The following PPP2R2B variants were observed in gnomAD, a reference collection of about 807,000 sequenced individuals.
The protein encoded by PPP2R2B is serine/threonine-protein phosphatase 2A 55 kDa regulatory subunit B beta isoform.
A neutral mutation model predicts 46.0 loss-of-function variants in PPP2R2B; 5 were observed. The ratio of observed to expected loss-of-function variants is 0.11; its 90% CI spans 0.06 to 0.23. The LOEUF (loss-of-function observed/expected upper bound fraction) is 0.23. Among genes scored for constraint, PPP2R2B ranks in the 10% least tolerant of loss-of-function variants. The pLI, the probability that PPP2R2B is intolerant of heterozygous loss-of-function variation, is 1.00. For synonymous variants in PPP2R2B, 215 were observed against 206.7 expected (o/e 1.04, Z -0.34); for missense variants, 367 against 575.0 (o/e 0.64, Z 3.70).
chr5:146,998,328 C>G (rs1754013358), intron 1 of PPP2R2B, among the ~76,000 whole-genome samples: 1 of 152,208 alleles, frequency 6.6e-6, no homozygotes. Flanking sequence ...GTCTTTGCAG[C>G]TGGGAGACTG....
chr5:146,977,202 T>C (rs1174134769), intron 1 of PPP2R2B, among the ~76,000 whole-genome samples: 6 of 152,222 alleles, frequency 3.9e-5, no homozygotes, highest in African/African-American at 1.4e-4. Flanking sequence ...TATCCTTGGA[T>C]TATTGTAATA....
intron 2 of PPP2R2B, among the ~76,000 whole-genome samples, chr5:146,841,624 TC>T (rs1193960963): frequency 6.6e-6 from 1 of 152,198 alleles, no homozygotes; most frequent in Non-Finnish European, 1.5e-5. Context: ...TGAGTTCATG[TC>T]CTTTGCAGGG....
intron 5 of PPP2R2B, among the ~76,000 whole-genome samples, chr5:146,690,597 T>C (rs1436208142): frequency 2.0e-5 from 3 of 152,234 alleles, no homozygotes; most frequent in African/African-American, 7.2e-5. Context: ...TCCTTGCACT[T>C]CTTCCTCATA....
intron 2 of PPP2R2B, among the ~76,000 whole-genome samples, chr5:146,829,734 G>C (rs772103825): frequency 6.6e-6 from 1 of 152,262 alleles, no homozygotes; most frequent in Admixed American, 6.5e-5. Context: ...ACTATCCAAA[G>C]AATCTAAAGT....
chr5:146,597,402 C>A (rs1482176107), intron 8 of PPP2R2B, among the ~76,000 whole-genome samples: 1 of 152,124 alleles, frequency 6.6e-6, no homozygotes, highest in Non-Finnish European at 1.5e-5. Flanking sequence ...TATGTTGATT[C>A]TATCAATTCT....
At chr5:146,804,478 C>G (rs1438178494) in intron 2 of PPP2R2B, among the ~76,000 whole-genome samples, 1 of 152,122 alleles carries the variant, frequency 6.6e-6, no homozygotes, top group Non-Finnish European at 1.5e-5. Context: ...TAACCCTGCT[C>G]TGATCCATTG....
At chr5:146,984,559 T>C (rs1753334822) in intron 1 of PPP2R2B, among the ~76,000 whole-genome samples, 1 of 152,190 alleles carries the variant, frequency 6.6e-6, no homozygotes, top group Non-Finnish European at 1.5e-5. Flanking sequence ...ACTGCAGACA[T>C]CTCTTTGACA....
In PPP2R2B at chr5:146,764,740, C is replaced by T. The variant is rs540206934; in HGVS notation, c.71-63598G>A. On this transcript the variant is annotated intron_variant, in intron 2 of 9. Coordinates refer to ENST00000394411, the MANE Select transcript of PPP2R2B (RefSeq NM_181675.4). ...TACAGTTAAGATAATTTAAGTCCTT[C>T]TAATCTCAAGAGGTGATCTTGCTAG... 4.6e-5 allele frequency among the ~76,000 whole-genome samples: 7 copies of T among 152,122 alleles called. No individual in the cohort carries two copies. The South Asian group carries it at 1.5e-3, about 32-fold the overall frequency.
chr5:146,890,210 A>G (rs1258590893), intron 1 of PPP2R2B, among the ~76,000 whole-genome samples: 1 of 152,248 alleles, frequency 6.6e-6, no homozygotes, highest in Non-Finnish European at 1.5e-5. Flanking sequence ...AGCCCTGGAC[A>G]AAATTGTAAA....
intron 1 of PPP2R2B, among the ~76,000 whole-genome samples, chr5:146,954,658 A>G (rs1751792195): frequency 6.6e-6 from 1 of 152,148 alleles, no homozygotes; most frequent in South Asian, 2.1e-4. Flanking sequence ...ACCTATGAAA[A>G]TAAAAAATTA....
chr5:146,872,378 T>C (rs1374471427), intron 2 of PPP2R2B, among the ~76,000 whole-genome samples: 1 of 152,212 alleles, frequency 6.6e-6, no homozygotes, highest in African/African-American at 2.4e-5. Flanking sequence ...CATTCATCCA[T>C]ATGCATTGGA....
chr5:146,946,165 G>A (rs966806012), intron 1 of PPP2R2B, among the ~76,000 whole-genome samples: 34 of 152,216 alleles, frequency 2.2e-4, no homozygotes, highest in African/African-American at 7.7e-4. Flanking sequence ...TACACAAAAG[G>A]ACATACAATT....
intron 1 of PPP2R2B, among the ~76,000 whole-genome samples, chr5:146,907,696 G>C (rs974148257): frequency 6.6e-6 from 1 of 152,194 alleles, no homozygotes; most frequent in Admixed American, 6.5e-5. Context: ...GATTTGTCAA[G>C]GCCCAGCTAA....
intron 1 of PPP2R2B, among the ~76,000 whole-genome samples, chr5:146,955,219 A>T (rs1258505182): frequency 6.6e-6 from 1 of 152,202 alleles, no homozygotes; most frequent in Non-Finnish European, 1.5e-5. Flanking sequence ...AAGCCCCCAG[A>T]TGATTCTTAT....
At chr5:147,020,640 G>A (rs1000805515) in intron 1 of PPP2R2B, among the ~76,000 whole-genome samples, 2 of 152,106 alleles carry the variant, frequency 1.3e-5, no homozygotes, top group Non-Finnish European at 2.9e-5. Flanking sequence ...GTATCTTTCT[G>A]CTTATAGGGT....
At chr5:146,897,358 A>G (rs2151432410) in intron 1 of PPP2R2B, among the ~76,000 whole-genome samples, 1 of 152,320 alleles carries the variant, frequency 6.6e-6, no homozygotes, top group African/African-American at 2.4e-5. Flanking sequence ...TGGATACAAT[A>G]AAAAGTTCTT....
chr5:147,010,019 T>C (rs1304052580), intron 1 of PPP2R2B, among the ~76,000 whole-genome samples: 1 of 152,110 alleles, frequency 6.6e-6, no homozygotes, highest in Non-Finnish European at 1.5e-5. Context: ...TTAAGAATCT[T>C]AATCAAGAGC....
chr5:146,688,115 T>C (rs1778622030), intron 5 of PPP2R2B, among the ~76,000 whole-genome samples: 1 of 152,174 alleles, frequency 6.6e-6, no homozygotes, highest in Admixed American at 6.5e-5. Flanking sequence ...GCTGGACTTT[T>C]CAGTGTTTAA....
At chr5:147,059,591 A>T (rs1413225264), upstream of PPP2R2B, among the ~76,000 whole-genome samples, 4 of 152,204 alleles carry the variant, frequency 2.6e-5, no homozygotes, top group Non-Finnish European at 5.9e-5. Flanking sequence ...GAGAAAGGAA[A>T]GATAAAGGTG....
Sources: allele counts gnomAD v4.1 joint callset (sites outside exome capture counted in the v4.1 genomes callset), GRCh38; gene constraint gnomAD v4.1.1; transcripts MANE v1.5; gene names NCBI Gene and HGNC (gene_info 2026-07-23, HGNC 2026-07-21).